Variants in HDAC1 observed in about 807,000 individuals in gnomAD.
The protein encoded by HDAC1 is protein deacetylase HDAC1.
HDAC1 carries 18 observed loss-of-function variants against 65.5 expected under a neutral mutation model. The observed-to-expected ratio is 0.27, with a 90% CI of 0.19 to 0.41. The LOEUF (loss-of-function observed/expected upper bound fraction) is 0.41. Among genes scored for constraint, HDAC1 ranks in the 10% least tolerant of loss-of-function variants. The pLI, the probability that HDAC1 is intolerant of heterozygous loss-of-function variation, is 1.00. For missense variants in HDAC1, 373 were observed against 625.2 expected, an observed-to-expected ratio of 0.60 and a Z score of 4.30; for synonymous variants, 211 against 227.9, an observed-to-expected ratio of 0.93 and a Z score of 0.67.
In HDAC1 at chr1:32,333,176, A is replaced by G; in HGVS notation, c.*132A>G. 1.3e-6 allele frequency: 1 copy of G among 746,238 alleles called. No individual in the cohort carries two copies. Among genetic ancestry groups the G allele is most frequent in the Non-Finnish European group, 2.1e-6 (1 of 480,254 alleles). 46.2% of individuals were successfully genotyped at this position (746,238 alleles called of 1,614,324 possible). The stretch of plus-strand genomic sequence containing the variant: ...AAATATAAATATCCCCAGGGACAGA[A>G]ACCAAGGCCCCGAGCTCAGGGCAGC... On this transcript the variant is annotated 3_prime_UTR_variant, in exon 14 of 14. Transcript: ENST00000373548.
chr1:32,326,466 A>G (rs1047926634), intron 4 of HDAC1, among the ~76,000 whole-genome samples: 9 of 152,018 alleles, frequency 5.9e-5, no homozygotes, highest in Non-Finnish European at 1.5e-5. Context: ...CGCATGGCCT[A>G]TCTTTGGTAT....
rs1641230794 is a variant in HDAC1 at position 32,327,225 on chromosome 1, T to A, written c.494+148T>A. On this transcript the variant is annotated intron_variant, in intron 5 of 13. Coordinates refer to ENST00000373548, the MANE Select transcript of HDAC1 (RefSeq NM_004964.3). The surrounding 1 kb of genome is among the most constrained non-coding windows in gnomAD (Gnocchi z 6.0). ...GTGAGTGTCTCTGGCCATCATCTCC[T>A]TGATGGGGTCTTGGTTTGATCTGAG... 1 of 745,456 alleles carries A rather than the reference T, an allele frequency of 1.3e-6. No homozygotes were observed. Among genetic ancestry groups the A allele is most frequent in the Admixed American group, 2.5e-5 (1 of 40,486 alleles). The allele number at this position is 745,456 out of a possible 1,614,324, so 46.2% of individuals were successfully genotyped here.
At chr1:32,320,302 A>AG (rs1357690782) in intron 3 of HDAC1, among the ~76,000 whole-genome samples, 2 of 151,976 alleles carry the variant, frequency 1.3e-5, no homozygotes, top group Admixed American at 6.6e-5. Context: ...GATAAGATCG[A>AG]GTAAATCAGG....
chr1:32,302,493 G>T, intron 1 of HDAC1, 128 bp from the exon 2 acceptor site: 1 of 587,710 alleles, frequency 1.7e-6, no homozygotes. Flanking sequence ...CAAAAGGTGG[G>T]AGAGAATCTT....
chr1:32,331,956 C>T lies in HDAC1; in HGVS notation c.1220-134C>T. ...GTGCCTGTAGGAACAGGTTAGGGAG[C>T]CCGAGTTCCTCCCTCTTCTGGTTCC... On this transcript the variant is annotated intron_variant, in intron 11 of 13. Transcript: ENST00000373548. This position sits in a 1 kb window ranked among gnomAD's most constrained non-coding sequence, Gnocchi z 4.2. 7.3e-7 allele frequency: 1 copy of T among 1,376,440 alleles called. No individual in the cohort carries two copies. The highest frequency in any genetic ancestry group is 9.8e-7 in the Non-Finnish European group (1 of 1,021,162). The allele number at this position is 1,376,440 out of a possible 1,614,324, so 85.3% of individuals were successfully genotyped here. A position where few individuals can be genotyped will look rare whatever the true frequency, so the allele number is the denominator to read the frequency against.
chr1:32,295,765 A>G (rs960072121), intron 1 of HDAC1, among the ~76,000 whole-genome samples: 6 of 151,736 alleles, frequency 4.0e-5, no homozygotes, highest in Non-Finnish European at 1.5e-5. Context: ...TAGTTATTTT[A>G]TTTGTTTGTT....
chr1:32,303,693 G>A (rs1168396935), intron 2 of HDAC1, among the ~76,000 whole-genome samples: 1 of 151,996 alleles, frequency 6.6e-6, no homozygotes, highest in Non-Finnish European at 1.5e-5. Context: ...AACCTTGTCT[G>A]TACAAAAAAT....
intron 3 of HDAC1, among the ~76,000 whole-genome samples, chr1:32,318,458 G>T (rs1641093941): frequency 6.6e-6 from 1 of 152,020 alleles, no homozygotes; most frequent in Non-Finnish European, 1.5e-5. Flanking sequence ...AGCTACTCAG[G>T]AGGTTGAGGA....
chr1:32,310,928 A>G (rs1466937935), intron 2 of HDAC1, among the ~76,000 whole-genome samples: 3 of 151,038 alleles, frequency 2.0e-5, no homozygotes, highest in African/African-American at 7.3e-5. Context: ...AGGAAGGAAG[A>G]AAGGAAGGAA....
In HDAC1 at chr1:32,332,153, A is replaced by AG. The variant is rs1163123618; in HGVS notation, c.1289dup (p.Arg431ProfsTer18). The AG allele has an allele frequency of 3.1e-6, 5 of 1,613,188 alleles. No homozygotes were observed. The highest frequency in any genetic ancestry group is 3.3e-5 in the Admixed American group (2 of 59,900). Reference sequence around the variant, plus strand: ...TTCTCCGATTCTGAAGAGGAGGGAGAGGGGGGCCGCAAGAACTCTTCCAAC... The same window carrying AG: ...TTCTCCGATTCTGAAGAGGAGGGAGAGGGGGGGCCGCAAGAACTCTTCCAAC... On this transcript the variant is annotated frameshift_variant, in exon 12 of 14. Coordinates refer to ENST00000373548, the MANE Select transcript of HDAC1 (RefSeq NM_004964.3). LOFTEE classifies it high-confidence loss of function.
chr1:32,308,747 T>A (rs907548846), intron 2 of HDAC1, among the ~76,000 whole-genome samples: 3 of 152,038 alleles, frequency 2.0e-5, no homozygotes, highest in African/African-American at 7.2e-5. Flanking sequence ...CTCGATCTCC[T>A]GACCTCGTGA....
intron 2 of HDAC1, among the ~76,000 whole-genome samples, chr1:32,313,252 G>A (rs889839190): frequency 5.9e-5 from 9 of 151,818 alleles, no homozygotes; most frequent in South Asian, 4.2e-4. Flanking sequence ...CTGCCATGAC[G>A]CCCGGCTAAT....
chr1:32,331,263 A>T lies in HDAC1; in HGVS notation c.980-211A>T, dbSNP rs1570042092. Among the ~76,000 whole-genome samples, 1 of 152,166 alleles carries T rather than the reference A, an allele frequency of 6.6e-6. No individual in the cohort carries two copies. The highest frequency in any genetic ancestry group is 2.4e-5 in the African/African-American group (1 of 41,436). On this transcript the variant is annotated intron_variant, in intron 9 of 13. Coordinates refer to ENST00000373548, the MANE Select transcript of HDAC1 (RefSeq NM_004964.3). This position sits in a 1 kb window ranked among gnomAD's most constrained non-coding sequence, Gnocchi z 4.2. Reference sequence around the variant, plus strand: ...CAGGGACATGGGCCTTCTCCTAGCGACATATACACCACTGGTACAGACATA... The same window carrying T: ...CAGGGACATGGGCCTTCTCCTAGCGTCATATACACCACTGGTACAGACATA...
In HDAC1 at chr1:32,316,647, C is replaced by G; in HGVS notation, c.163-18C>G. On this transcript the variant is annotated intron_variant, in intron 2 of 13. Coordinates refer to ENST00000373548, the MANE Select transcript of HDAC1 (RefSeq NM_004964.3). Reference sequence around the variant, plus strand: ...CGTGGTCAAAAATAACTTGCCCTTTCTCCCTTCTGCCCTCTAGCGCCCTCA... The same window carrying G: ...CGTGGTCAAAAATAACTTGCCCTTTGTCCCTTCTGCCCTCTAGCGCCCTCA... 6.7e-7 allele frequency: 1 copy of G among 1,489,238 alleles called. No individual in the cohort carries two copies. Among genetic ancestry groups the G allele is most frequent in the Non-Finnish European group, 9.4e-7 (1 of 1,067,418 alleles). 92.3% of individuals were successfully genotyped at this position (1,489,238 alleles called of 1,614,324 possible).
intron 3 of HDAC1, among the ~76,000 whole-genome samples, chr1:32,320,093 G>T (rs1253883578): frequency 6.6e-6 from 1 of 151,936 alleles, no homozygotes; most frequent in Non-Finnish European, 1.5e-5. Flanking sequence ...GGTGGCAGGC[G>T]CTTGTGGTCC....
chr1:32,299,300 C>G (rs1640814058), intron 1 of HDAC1, among the ~76,000 whole-genome samples: 1 of 151,798 alleles, frequency 6.6e-6, no homozygotes. Flanking sequence ...GGATGGTTGG[C>G]CTGCACTGTT....
intron 12 of HDAC1, 41 bp downstream of exon 12, chr1:32,332,283 G>A (rs770076930): frequency 1.9e-6 from 3 of 1,582,360 alleles, no homozygotes; most frequent in Admixed American, 3.5e-5. Context: ...TCGAGCCTGA[G>A]AGGATGAATC....
intron 1 of HDAC1, among the ~76,000 whole-genome samples, chr1:32,295,659 A>T (rs1052604577): frequency 2.6e-5 from 4 of 152,210 alleles, no homozygotes; most frequent in African/African-American, 9.6e-5. Context: ...CACCTCCCAA[A>T]AGGCTCCACT....
intron 1 of HDAC1, among the ~76,000 whole-genome samples, chr1:32,302,321 G>C (rs1479291197): frequency 6.6e-6 from 1 of 152,064 alleles, no homozygotes; most frequent in Non-Finnish European, 1.5e-5. Context: ...ATAGTGAGGT[G>C]AATCATTTCA....
Sources: gnomAD v4.1 joint callset for allele counts (sites outside exome capture counted in the v4.1 genomes callset) on GRCh38, gnomAD v4.1.1 for gene constraint, Gnocchi (gnomAD v3.1) non-coding constraint, MANE v1.5 for transcripts, NCBI Gene and HGNC (gene_info 2026-07-23, HGNC 2026-07-21) for gene names.